The following KLF1 variants were observed in gnomAD, a reference collection of about 807,000 sequenced individuals.
KLF1 encodes KLF transcription factor 1, also known as Krueppel-like factor 1.
In KLF1, 29 loss-of-function variants were observed where a neutral mutation model predicts 28.0. The observed-to-expected ratio is 1.04, with a 90% CI of 0.77 to 1.41. The LOEUF (loss-of-function observed/expected upper bound fraction) is 1.41, where lower values mean the gene tolerates loss of function less well. Ranked by LOEUF, KLF1 falls within the 40% of genes most tolerant of loss-of-function variation. KLF1 has a pLI of 0.00. For synonymous variants in KLF1, 262 were observed against 242.6 expected, an observed-to-expected ratio of 1.08 and a Z score of -0.74; for missense variants, 508 against 515.1, an observed-to-expected ratio of 0.99 and a Z score of 0.13.
Position 12,885,060 on chromosome 19 carries a change from CCTAG to C in KLF1, c.914-4_914-1del, listed in dbSNP as rs1290292253. 5.0e-6 allele frequency: 8 copies of C among 1,604,444 alleles called. No individual in the cohort carries two copies. The African/African-American group carries it at 1.1e-4, about 21-fold the overall frequency. On this transcript the variant is annotated splice_acceptor_variant and splice_polypyrimidine_tract_variant and intron_variant, in intron 2 of 2. Transcript: ENST00000264834. LOFTEE classifies it high-confidence loss of function. The surrounding 1 kb of genome is among the most constrained non-coding windows in gnomAD (Gnocchi z 5.6). ...CCACGTGCAGGCGTATGGCTTCTCC[CCTAG>C]GGGACAAGGAAGCCATAAGCGCCAC...
chr19:12,884,782 A>G lies in KLF1; in HGVS notation c.*103T>C. 7.5e-7 allele frequency: 1 copy of G among 1,340,356 alleles called. No homozygotes were observed. Among genetic ancestry groups the G allele is most frequent in the Non-Finnish European group, 1.1e-6 (1 of 949,104 alleles). 83.0% of individuals were successfully genotyped at this position (1,340,356 alleles called of 1,614,324 possible). A position where few individuals can be genotyped will look rare whatever the true frequency, so the allele number is the denominator to read the frequency against. ...CCAGGAGAGGGTCCATTCGTGGGAA[A>G]ACCACCCAGCATTGTGTCACGCGCG... On this transcript the variant is annotated 3_prime_UTR_variant, in exon 3 of 3. Transcript: ENST00000264834.
At position 12,884,791 on chromosome 19, in the gene KLF1, G is replaced by C; in HGVS notation, c.*94C>G. ...GGTCCATTCGTGGGAAAACCACCCAGCATTGTGTCACGCGCGTCCGTGTGA... is the reference window on the plus strand; with the variant it reads ...GGTCCATTCGTGGGAAAACCACCCACCATTGTGTCACGCGCGTCCGTGTGA... On this transcript the variant is annotated 3_prime_UTR_variant, in exon 3 of 3. Coordinates refer to ENST00000264834, the MANE Select transcript of KLF1 (RefSeq NM_006563.5). 2.9e-6 allele frequency: 4 copies of C among 1,392,854 alleles called. No homozygotes were observed. The highest frequency in any genetic ancestry group is 4.0e-6 in the Non-Finnish European group (4 of 992,902). The allele number at this position is 1,392,854 out of a possible 1,614,324, so 86.3% of individuals were successfully genotyped here.
At chr19:12,886,608 C>A (rs938024085) in intron 1 of KLF1, among the ~76,000 whole-genome samples, 1 of 147,504 alleles carries the variant, frequency 6.8e-6, no homozygotes, top group East Asian at 1.9e-4. Flanking sequence ...AGATCTCGTT[C>A]CTTTTTTTTT....
At position 12,884,954 on chromosome 19, in the gene KLF1, G is replaced by A. The variant is rs1202110892; in HGVS notation, c.1020C>T (p.Arg340=). The A allele has an allele frequency of 5.0e-6, 8 of 1,613,764 alleles. No homozygotes were observed. Among genetic ancestry groups the A allele is most frequent in the Non-Finnish European group, 6.8e-6 (8 of 1,180,034 alleles). Residue 340 remains arginine, a synonymous_variant, in exon 3 of 3, where the codon CGC becomes CGT. Transcript: ENST00000264834. ...AAAAAGCACGTGGGCAGAGCTGGCA[G>A]CGGAAGGGGCGCTGCCCCGTGTGTT... is the stretch of plus-strand genomic sequence containing the variant. ...YRKHTGQRPF[R]CQLCPRAFSR...
At chr19:12,886,289 T>G in intron 1 of KLF1, 147 bp from the exon 2 acceptor site, 2 of 615,972 alleles carry the variant, frequency 3.2e-6, no homozygotes, top group Non-Finnish European at 5.6e-6. Flanking sequence ...ACACTGCCCC[T>G]CTAACCGCCC....
chr19:12,885,981 C>G lies in KLF1; in HGVS notation c.249G>C (p.Ser83=), dbSNP rs765744447. Residue 83 remains serine (S), a synonymous_variant, in exon 2 of 3, where the codon TCG becomes TCC. Transcript: ENST00000264834. The surrounding 1 kb of genome is among the most constrained non-coding windows in gnomAD (Gnocchi z 5.6). ...WDLDLLLTNF[S]GPEPGGAPQT... ...GGGGCGCGCCACCGGGCTCCGGGCC[C>G]GAGAAGTTGGTGAGGAGGAGATCCA... 3.1e-6 allele frequency: 5 copies of G among 1,587,924 alleles called. No homozygotes were observed. Among genetic ancestry groups the G allele is most frequent in the Admixed American group, 1.8e-5 (1 of 56,404 alleles).
At position 12,885,078 on chromosome 19, in the gene KLF1, C is replaced by T; in HGVS notation, c.914-18G>A. On this transcript the variant is annotated intron_variant, in intron 2 of 2. Transcript: ENST00000264834. This position sits in a 1 kb window ranked among gnomAD's most constrained non-coding sequence, Gnocchi z 5.6. Reference sequence around the variant, plus strand: ...CTTCTCCCCTAGGGGACAAGGAAGCCATAAGCGCCACTGTCTGCCCAGTCA... The same window carrying T: ...CTTCTCCCCTAGGGGACAAGGAAGCTATAAGCGCCACTGTCTGCCCAGTCA... 6.2e-7 allele frequency: 1 copy of T among 1,601,746 alleles called. No individual in the cohort carries two copies. The highest frequency in any genetic ancestry group is 8.5e-7 in the Non-Finnish European group (1 of 1,179,688).
chr19:12,886,196 C>T (rs1970446920), intron 1 of KLF1, 54 bp from the exon 2 acceptor site: 3 of 1,374,806 alleles, frequency 2.2e-6, no homozygotes, highest in Non-Finnish European at 3.0e-6. Context: ...GTGCCCTGCC[C>T]AGGGACATCG....
chr19:12,886,402 G>A (rs537364051), intron 1 of KLF1, among the ~76,000 whole-genome samples: 24 of 152,276 alleles, frequency 1.6e-4, no homozygotes, highest in African/African-American at 5.1e-4. Flanking sequence ...CGGGGATGGG[G>A]GAAGGGGTAG....
Position 12,886,065 on chromosome 19 carries a change from A to C in KLF1, c.165T>G (p.Ser55=), listed in dbSNP as rs1970444653. 6.2e-7 allele frequency: 1 copy of C among 1,610,652 alleles called. No individual in the cohort carries two copies. Among genetic ancestry groups the C allele is most frequent in the Non-Finnish European group, 8.5e-7 (1 of 1,179,244 alleles). ...DPTEPPLHVK[S]EDQPGEEEDD... ...CCTCTTCCTCCCCGGGCTGGTCCTC[A>C]GACTTCACGTGGAGGGGCGGCTCCG... The change falls in exon 2 of 3, where the codon TCT becomes TCG. Residue 55 remains serine, a synonymous_variant. Coordinates refer to ENST00000264834, the MANE Select transcript of KLF1 (RefSeq NM_006563.5).
At chr19:12,886,626 T>C (rs894058913) in intron 1 of KLF1, among the ~76,000 whole-genome samples, 2 of 147,888 alleles carry the variant, frequency 1.4e-5, no homozygotes, top group Non-Finnish European at 1.5e-5. Context: ...TTTTTTTTTT[T>C]CTTGAGATAG....
rs137852688 is a variant in KLF1, at chr19:12,885,335, G to A, written c.895C>T (p.His299Tyr). The A allele has an allele frequency of 1.3e-6, 2 of 1,594,878 alleles. No homozygotes were observed. Among genetic ancestry groups the A allele is most frequent in the Non-Finnish European group, 1.7e-6 (2 of 1,170,792 alleles). Residue 299 changes from histidine to tyrosine, a missense_variant, in exon 2 of 3, where the codon CAT (histidine) becomes TAT (tyrosine). By Grantham distance (83) the His-to-Tyr change is moderately conservative (BLOSUM62 2). Transcript: ENST00000264834. This position sits in a 1 kb window ranked among gnomAD's most constrained non-coding sequence, Gnocchi z 5.6. Reference sequence around the variant, plus strand: ...CCCTCACCTGTGTGCGTGCGCAGATGCGCCTTCAGGTGGGAGCTCTTGGTG... The same window carrying A: ...CCCTCACCTGTGTGCGTGCGCAGATACGCCTTCAGGTGGGAGCTCTTGGTG... ...SYTKSSHLKA[H>Y]LRTHTGEKPY... is the part of the protein sequence containing the mutation.
Position 12,885,371 on chromosome 19 carries a change from C to G in KLF1, c.859G>C (p.Gly287Arg), listed in dbSNP as rs756819034. 3.7e-6 allele frequency: 6 copies of G among 1,605,252 alleles called. No homozygotes were observed. Among genetic ancestry groups the G allele is most frequent in the Admixed American group, 3.4e-5 (2 of 59,016 alleles). The change falls in exon 2 of 3, where the codon GGC (glycine) becomes CGC (arginine). Residue 287 changes from glycine to arginine, a missense_variant. Gly to Arg is a moderately radical substitution (Grantham distance 125). Coordinates refer to ENST00000264834, the MANE Select transcript of KLF1 (RefSeq NM_006563.5). The surrounding 1 kb of genome is among the most constrained non-coding windows in gnomAD (Gnocchi z 5.6). ...TGGGAGCTCTTGGTGTAGCTCTTGCCGCAACCCGGGTGCGCGCACGTGTGC... is the reference window on the plus strand; with the variant it reads ...TGGGAGCTCTTGGTGTAGCTCTTGCGGCAACCCGGGTGCGCGCACGTGTGC... Reference protein sequence around the residue: ...AAHTCAHPGCGKSYTKSSHLK... With the variant: ...AAHTCAHPGCRKSYTKSSHLK...
chr19:12,884,776 TG>T lies in KLF1; in HGVS notation c.*108del. ...GCGAGTCCAGGAGAGGGTCCATTCGTGGGAAAACCACCCAGCATTGTGTCAC... is the reference window on the plus strand; with the variant it reads ...GCGAGTCCAGGAGAGGGTCCATTCGTGGAAAACCACCCAGCATTGTGTCAC... On this transcript the variant is annotated 3_prime_UTR_variant, in exon 3 of 3. Coordinates refer to ENST00000264834, the MANE Select transcript of KLF1 (RefSeq NM_006563.5). 3.2e-6 allele frequency: 4 copies of T among 1,253,126 alleles called. No homozygotes were observed. Among genetic ancestry groups the T allele is most frequent in the Non-Finnish European group, 3.4e-6 (3 of 872,480 alleles). 77.6% of individuals were successfully genotyped at this position (1,253,126 alleles called of 1,614,324 possible). A position where few individuals can be genotyped will look rare whatever the true frequency, so the allele number is the denominator to read the frequency against.
intron 1 of KLF1, 102 bp downstream of exon 1, chr19:12,886,952 G>C (rs1391849917): frequency 2.5e-6 from 3 of 1,187,548 alleles, no homozygotes; most frequent in Non-Finnish European, 3.8e-6. Context: ...TCCTGGTTAA[G>C]TCTCTTGATT....
At position 12,884,687 on chromosome 19, in the gene KLF1, G is replaced by GT. The variant is rs1479209056; in HGVS notation, c.*197dup. The GT allele has an allele frequency of 1.6e-6, 1 of 625,410 alleles. No homozygotes were observed. Among genetic ancestry groups the GT allele is most frequent in the Non-Finnish European group, 2.8e-6 (1 of 357,258 alleles). The allele number at this position is 625,410 out of a possible 1,614,324, so 38.7% of individuals were successfully genotyped here. A position where few individuals can be genotyped will look rare whatever the true frequency, so the allele number is the denominator to read the frequency against. On this transcript the variant is annotated 3_prime_UTR_variant, in exon 3 of 3. Transcript: ENST00000264834. ...TGGCTGAAGGCTTGTCGGATTTTCC[G>GT]TAAGAGGCTCCCCCAGGGCTGTCTA...
In KLF1 at chr19:12,884,765, G is replaced by T. The variant is rs923403327; in HGVS notation, c.*120C>A. ...TCTTTGGGAACGCGAGTCCAGGAGA[G>T]GGTCCATTCGTGGGAAAACCACCCA... On this transcript the variant is annotated 3_prime_UTR_variant, in exon 3 of 3. Transcript: ENST00000264834. The T allele has an allele frequency of 7.5e-6, 8 of 1,060,846 alleles. No homozygotes were observed. The South Asian group carries it at 1.0e-4, about 14-fold the overall frequency. The allele number at this position is 1,060,846 out of a possible 1,614,324, so 65.7% of individuals were successfully genotyped here. A position where few individuals can be genotyped will look rare whatever the true frequency, so the allele number is the denominator to read the frequency against.
rs2145927881 is a variant in KLF1, at chr19:12,885,581, G to A, written c.649C>T (p.Gln217Ter). 6.4e-7 allele frequency: 1 copy of A among 1,560,236 alleles called. No individual in the cohort carries two copies. The part of the protein sequence containing the change: ...YPAPQYQGHF[Q>*]LFRGLQGPAP... ...GGTCCCTGGAGCCCGCGGAAGAGCT[G>A]GAAGTGCCCTTGGTACTGAGGCGCC... Residue 217 changes from glutamine to a stop codon, truncating the protein, a stop_gained, in exon 2 of 3, where the codon CAG becomes TAG. Transcript: ENST00000264834. LOFTEE classifies it high-confidence loss of function. The surrounding 1 kb of genome is among the most constrained non-coding windows in gnomAD (Gnocchi z 5.6).
chr19:12,885,460 A>G lies in KLF1; in HGVS notation c.770T>C (p.Val257Ala). The change falls in exon 2 of 3, where the codon GTG (valine) becomes GCG (alanine). Residue 257 changes from valine to alanine, a missense_variant. Physicochemically the swap from Val to Ala is moderately conservative, Grantham distance 64 (BLOSUM62 0). Transcript: ENST00000264834. This position sits in a 1 kb window ranked among gnomAD's most constrained non-coding sequence, Gnocchi z 5.6. ...GLGGTAEDPG[V>A]IAETAPSKRG... The stretch of plus-strand genomic sequence containing the variant: ...CTTGGATGGCGCGGTCTCGGCTATC[A>G]CACCTGGATCCTCTGCAGTCCCCCC... The G allele has an allele frequency of 6.2e-7, 1 of 1,604,384 alleles. No homozygotes were observed. Among genetic ancestry groups the G allele is most frequent in the Non-Finnish European group, 8.5e-7 (1 of 1,176,262 alleles).
Sources: gnomAD v4.1 joint callset for allele counts (sites outside exome capture counted in the v4.1 genomes callset) on GRCh38, gnomAD v4.1.1 for gene constraint, Gnocchi (gnomAD v3.1) non-coding constraint, MANE v1.5 for transcripts, NCBI Gene and HGNC (gene_info 2026-07-23, HGNC 2026-07-21) for gene names.